Variants in MAPKAP1 observed in about 807,000 individuals in gnomAD.
MAPKAP1 encodes the protein MAPK associated protein 1.
In MAPKAP1, 20 loss-of-function variants were observed where a neutral mutation model predicts 65.7. The observed-to-expected ratio is 0.30, with a 90% CI of 0.21 to 0.44. The LOEUF (loss-of-function observed/expected upper bound fraction) is 0.44. Ranked by LOEUF, MAPKAP1 falls within the 20% of genes least tolerant of loss-of-function variation. The pLI is 1.00. For missense variants in MAPKAP1, 423 were observed against 648.0 expected, an observed-to-expected ratio of 0.65 and a Z score of 3.77; for synonymous variants, 222 against 244.3, an observed-to-expected ratio of 0.91 and a Z score of 0.85.
At chr9:125,474,736 T>C (rs1325094984) in intron 9 of MAPKAP1, among the ~76,000 whole-genome samples, 2 of 152,192 alleles carry the variant, frequency 1.3e-5, no homozygotes, top group African/African-American at 4.8e-5. Flanking sequence ...TAACAATTCA[T>C]GTCTTAGTGT....
chr9:125,488,956 T>C (rs895296270), intron 8 of MAPKAP1, among the ~76,000 whole-genome samples: 4 of 152,252 alleles, frequency 2.6e-5, no homozygotes, highest in African/African-American at 7.2e-5. Flanking sequence ...AGAAAAGTTC[T>C]ATGACTTTGC....
intron 1 of MAPKAP1, among the ~76,000 whole-genome samples, chr9:125,693,694 TACACGTATATATAC>T (rs1835272020): frequency 1.6e-5 from 2 of 123,872 alleles, no homozygotes; most frequent in South Asian, 4.7e-4. Context: ...CACGTATATA[TACACGTATATATAC>T]ACATATATAC....
chr9:125,566,049 T>C (rs926607338), intron 5 of MAPKAP1, among the ~76,000 whole-genome samples: 7 of 152,220 alleles, frequency 4.6e-5, no homozygotes, highest in Non-Finnish European at 7.3e-5. Context: ...AAATTCTATA[T>C]ACAGTCAGAA....
chr9:125,472,301 C>T (rs1450814954), intron 9 of MAPKAP1, among the ~76,000 whole-genome samples: 1 of 152,210 alleles, frequency 6.6e-6, no homozygotes, highest in African/African-American at 2.4e-5. Context: ...TTCTGCTGCT[C>T]TGCACAGCCT....
At position 125,595,641 on chromosome 9, in the gene MAPKAP1, A is replaced by G. The variant is rs1360544973; in HGVS notation, c.499-9914T>C. On this transcript the variant is annotated intron_variant, in intron 4 of 11. Transcript: ENST00000265960. The surrounding 1 kb of genome is among the most constrained non-coding windows in gnomAD (Gnocchi z 4.0). ...CTGCCTGTGGACACGCCAAGGAAGC[A>G]TCGTTAAAGTCTCTCTTCTCCCTGC... 3.4e-6 allele frequency: 5 copies of G among 1,459,532 alleles called. No individual in the cohort carries two copies. The highest frequency in any genetic ancestry group is 4.5e-6 in the Non-Finnish European group (5 of 1,110,154). The allele number at this position is 1,459,532 out of a possible 1,614,324, so 90.4% of individuals were successfully genotyped here. A position where few individuals can be genotyped will look rare whatever the true frequency, so the allele number is the denominator to read the frequency against.
chr9:125,459,104 G>A (rs1177495112), intron 10 of MAPKAP1, among the ~76,000 whole-genome samples: 16 of 144,884 alleles, frequency 1.1e-4, no homozygotes, highest in African/African-American at 2.1e-4. Context: ...CAGAAGGGGC[G>A]GCCGGGCAGA....
At chr9:125,635,084 T>A (rs763580529) in intron 4 of MAPKAP1, among the ~76,000 whole-genome samples, 2 of 152,240 alleles carry the variant, frequency 1.3e-5, no homozygotes, top group Non-Finnish European at 2.9e-5. Context: ...TAATCTTTAC[T>A]CTTTTTCCAC....
At chr9:125,611,225 G>GT (rs1832591632) in intron 4 of MAPKAP1, among the ~76,000 whole-genome samples, 1 of 152,146 alleles carries the variant, frequency 6.6e-6, no homozygotes, top group South Asian at 2.1e-4. Context: ...TTTCGTAATA[G>GT]TTTTTTAAAT....
intron 4 of MAPKAP1, among the ~76,000 whole-genome samples, chr9:125,656,372 A>G (rs1414004316): frequency 6.6e-6 from 1 of 152,222 alleles, no homozygotes; most frequent in Non-Finnish European, 1.5e-5. Context: ...CTTTACATCA[A>G]TACAGTCTAT....
chr9:125,562,445 T>C (rs903265241), intron 5 of MAPKAP1, among the ~76,000 whole-genome samples: 2 of 152,246 alleles, frequency 1.3e-5, no homozygotes, highest in Non-Finnish European at 2.9e-5. Context: ...AAGCCTCTTC[T>C]GGGTCATCAG....
intron 4 of MAPKAP1, among the ~76,000 whole-genome samples, chr9:125,644,259 A>G (rs1451898391): frequency 6.6e-6 from 1 of 152,202 alleles, no homozygotes; most frequent in Non-Finnish European, 1.5e-5. Context: ...AACCTACGTT[A>G]GCCCATTTAA....
intron 7 of MAPKAP1, 122 bp from the exon 8 acceptor site, chr9:125,506,539 G>C: frequency 1.3e-6 from 1 of 787,340 alleles, no homozygotes; most frequent in East Asian, 2.7e-5. Flanking sequence ...AGTCTGTCTT[G>C]AGGGTCTAGC....
intron 6 of MAPKAP1, among the ~76,000 whole-genome samples, chr9:125,544,720 G>C (rs764398902): frequency 1.3e-5 from 2 of 152,192 alleles, no homozygotes; most frequent in Non-Finnish European, 2.9e-5. Flanking sequence ...TTCTCCATAA[G>C]AATCTCTAAA....
chr9:125,628,879 C>CAAT (rs1184544252), intron 4 of MAPKAP1, among the ~76,000 whole-genome samples: 2 of 151,890 alleles, frequency 1.3e-5, no homozygotes. Flanking sequence ...ACAACAACAA[C>CAAT]AACAACAAGA....
intron 4 of MAPKAP1, among the ~76,000 whole-genome samples, chr9:125,636,190 G>A (rs780545946): frequency 8.3e-4 from 127 of 152,130 alleles, no homozygotes; most frequent in Non-Finnish European, 1.6e-3. Flanking sequence ...AAAGGAGGCT[G>A]GTTCTAAGAT....
At chr9:125,449,369 G>A (rs1008967032) in intron 10 of MAPKAP1, among the ~76,000 whole-genome samples, 1 of 151,464 alleles carries the variant, frequency 6.6e-6, no homozygotes, top group Non-Finnish European at 1.5e-5. Flanking sequence ...GATGGAACTG[G>A]TATTTGATGA....
At chr9:125,575,735 C>A in intron 5 of MAPKAP1, among the ~76,000 whole-genome samples, 1 of 152,200 alleles carries the variant, frequency 6.6e-6, no homozygotes, top group East Asian at 1.9e-4. Context: ...AGCAACAACT[C>A]TCATTCCTCA....
chr9:125,443,692 G>GCCAGCCCCGCCAGCCCCC (rs1436921611), intron 11 of MAPKAP1, among the ~76,000 whole-genome samples: 3 of 68,952 alleles, frequency 4.4e-5, no homozygotes, highest in African/African-American at 5.9e-5. Context: ...CGCCAGCCCC[G>GCCAGCCCCGCCAGCCCCC]CCAGCTCCCC....
intron 9 of MAPKAP1, among the ~76,000 whole-genome samples, chr9:125,484,206 GAA>G (rs1166350929): frequency 2.0e-5 from 3 of 152,184 alleles, no homozygotes; most frequent in Admixed American, 6.5e-5. Flanking sequence ...CAATCAGTTT[GAA>G]AAGAGTCTCA....
Sources: gnomAD v4.1 joint callset for allele counts (sites outside exome capture counted in the v4.1 genomes callset) on GRCh38, gnomAD v4.1.1 for gene constraint, Gnocchi (gnomAD v3.1) non-coding constraint, MANE v1.5 for transcripts, NCBI Gene and HGNC (gene_info 2026-07-23, HGNC 2026-07-21) for gene names.